GCC2: variants seen among roughly 807,000 people sequenced by gnomAD.
The protein encoded by GCC2 is GRIP and coiled-coil domain-containing protein 2.
Under a neutral mutation model 210.6 loss-of-function variants are expected in GCC2, and 120 were observed. The observed-to-expected ratio is 0.57, with a 90% confidence interval of 0.49 to 0.66. The LOEUF (loss-of-function observed/expected upper bound fraction) is 0.66, where lower values mean the gene tolerates loss of function less well. GCC2 is among the 30% of genes least tolerant of loss of function. The pLI is 0.00. For synonymous variants in GCC2, 703 were observed against 652.7 expected (o/e 1.08, Z -1.17); for missense variants, 1,868 against 1,871.9 (o/e 1.00, Z 0.04).
chr2:108,472,366 G>A (rs925400482), intron 6 of GCC2, among the ~76,000 whole-genome samples: 37 of 152,028 alleles, frequency 2.4e-4, no homozygotes, highest in Admixed American at 7.9e-4. Context: ...GGGTTTAAAT[G>A]TCTTGATCAG....
At chr2:108,459,497 C>G (rs1261822580) in intron 4 of GCC2, among the ~76,000 whole-genome samples, 1 of 151,966 alleles carries the variant, frequency 6.6e-6, no homozygotes, top group Non-Finnish European at 1.5e-5. Context: ...TCTGTTAGGT[C>G]CATTTGGTCT....
chr2:108,470,836 C>CG lies in GCC2; in HGVS notation c.1507_1508insG (p.Gln503ArgfsTer13), dbSNP rs768578200. Reference sequence around the variant, plus strand: ...GGGGGAATCTGCTGGAAAAATAAGTCAAGAGTTCGAATCAATGAAGCAACA... The same window carrying CG: ...GGGGGAATCTGCTGGAAAAATAAGTCGAAGAGTTCGAATCAATGAAGCAACA... On this transcript the variant is annotated frameshift_variant, in exon 6 of 23. Transcript: ENST00000309863. LOFTEE classifies it high-confidence loss of function. 6.2e-7 allele frequency: 1 copy of CG among 1,613,666 alleles called. No homozygotes were observed. Among genetic ancestry groups the CG allele is most frequent in the South Asian group, 1.1e-5 (1 of 91,048 alleles).
intron 21 of GCC2, among the ~76,000 whole-genome samples, chr2:108,498,183 CTTTTTTTTTTTTTT>C (rs3084885): frequency 3.5e-5 from 2 of 57,466 alleles, no homozygotes; most frequent in Admixed American, 4.8e-4. Flanking sequence ...GTTATATTTT[CTTTTTTTTTTTTTT>C]TTTTTTTTTT....
Position 108,482,356 on chromosome 2 carries a change from T to G in GCC2, c.3250T>G (p.Leu1084Val). 6.4e-7 allele frequency: 1 copy of G among 1,574,650 alleles called. No individual in the cohort carries two copies. The highest frequency in any genetic ancestry group is 2.2e-5 in the East Asian group (1 of 44,624). The change falls in exon 11 of 23, where the codon TTA becomes GTA. Residue 1084 changes from leucine (L) to valine (V), a missense_variant. Physicochemically the swap from Leu to Val is conservative, Grantham distance 32. Transcript: ENST00000309863. Reference protein sequence around the residue: ...RIETLQSNAKLLEVQILEVQR... With the variant: ...RIETLQSNAKVLEVQILEVQR... ...TGAGACATTACAGTCTAATGCCAAA[T>G]TATTAGAAGTACAGATTTTAGAAGT... is the stretch of plus-strand genomic sequence containing the variant.
In GCC2 at chr2:108,475,625, G is replaced by A; in HGVS notation, c.2951G>A (p.Ser984Asn). Residue 984 changes from serine (S) to asparagine (N), a missense_variant, in exon 8 of 23, where the codon AGC becomes AAC. Transcript: ENST00000309863. Reference protein sequence around the residue: ...AVKAKKELDSSRKETQTVKEE... With the variant: ...AVKAKKELDSNRKETQTVKEE... Reference sequence around the variant, plus strand: ...AAGGCAAAGAAAGAACTAGATTCCAGCAGAAAAGAGGTGAGCTGACTTTAA... The same window carrying A: ...AAGGCAAAGAAAGAACTAGATTCCAACAGAAAAGAGGTGAGCTGACTTTAA... The A allele has an allele frequency of 6.5e-7, 1 of 1,538,734 alleles. No homozygotes were observed. The highest frequency in any genetic ancestry group is 8.8e-7 in the Non-Finnish European group (1 of 1,140,238).
intron 20 of GCC2, chr2:108,495,844 A>T (rs1682624469): frequency 6.3e-6 from 1 of 158,620 alleles, no homozygotes; most frequent in East Asian, 1.9e-4. Context: ...AGGCTAGGCC[A>T]GTCTCGCCTT....
chr2:108,479,174 AAAAT>A (rs978765808), intron 9 of GCC2, among the ~76,000 whole-genome samples: 1 of 151,838 alleles, frequency 6.6e-6, no homozygotes, highest in Non-Finnish European at 1.5e-5. Flanking sequence ...AAAAAAATAA[AAAAT>A]AAGCCAGATT....
At chr2:108,486,679 A>G in intron 16 of GCC2, 31 bp downstream of exon 16, 1 of 1,588,568 alleles carries the variant, frequency 6.3e-7, no homozygotes, top group Non-Finnish European at 8.6e-7. Context: ...ACAGCAAGCC[A>G]CTGGGATTTT....
At position 108,485,827 on chromosome 2, in the gene GCC2, A is replaced by G. The variant is rs199889762; in HGVS notation, c.3715-4A>G. The G allele has an allele frequency of 2.6e-4, 405 of 1,562,534 alleles. No homozygotes were observed. The highest frequency in any genetic ancestry group is 3.2e-4 in the Non-Finnish European group (371 of 1,146,684). On this transcript the variant is annotated splice_polypyrimidine_tract_variant and splice_region_variant and intron_variant, in intron 14 of 22. Coordinates refer to ENST00000309863, the MANE Select transcript of GCC2 (RefSeq NM_181453.4). ...AAAATTTAACCAAGATTCTCATTCT[A>G]TAGGAAACTGATCACTTAATACTTC...
intron 4 of GCC2, among the ~76,000 whole-genome samples, chr2:108,457,644 T>C (rs181131411): frequency 6.6e-6 from 1 of 152,324 alleles, no homozygotes; most frequent in Admixed American, 6.5e-5. Flanking sequence ...TTCTCTTCAG[T>C]TTCTTTCATC....
At position 108,486,775 on chromosome 2, in the gene GCC2, C is replaced by A. The variant is rs189505783; in HGVS notation, c.3930+127C>A. The A allele has an allele frequency of 4.4e-3, 3,058 of 698,160 alleles. 9 individuals carry two copies. The highest frequency in any genetic ancestry group is 5.8e-3 in the Non-Finnish European group (2,674 of 460,688). 43.2% of individuals were successfully genotyped at this position (698,160 alleles called of 1,614,324 possible). On this transcript the variant is annotated intron_variant, in intron 16 of 22. Transcript: ENST00000309863. ...TTAAGAGCACTTACTAGATTAAGAC[C>A]TGTTCAGTTAATCTGGCTTTAACCC...
At chr2:108,506,721 A>T (rs1016391122) in intron 22 of GCC2, among the ~76,000 whole-genome samples, 3 of 151,848 alleles carry the variant, frequency 2.0e-5, no homozygotes, top group African/African-American at 7.3e-5. Context: ...TTTTAAAAGA[A>T]TTTTTTTTTA....
chr2:108,463,200 T>A (rs1470092802), intron 4 of GCC2, among the ~76,000 whole-genome samples: 1 of 152,198 alleles, frequency 6.6e-6, no homozygotes, highest in Non-Finnish European at 1.5e-5. Flanking sequence ...TCTTATGAAT[T>A]TCTTTTAGAT....
chr2:108,472,219 A>G, intron 6 of GCC2, 103 bp downstream of exon 6: 1 of 803,302 alleles, frequency 1.2e-6, no homozygotes, highest in Non-Finnish European at 1.8e-6. Context: ...GTAAATTTTT[A>G]CCATTTAAGC....
chr2:108,489,757 A>G (rs1387797197), intron 17 of GCC2, 81 bp from the exon 18 acceptor site: 4 of 891,530 alleles, frequency 4.5e-6, no homozygotes, highest in Admixed American at 2.9e-5. Context: ...TTGAAAGGTT[A>G]AATGGTTAAA....
intron 20 of GCC2, 158 bp from the exon 21 acceptor site, chr2:108,496,812 A>G: frequency 1.0e-6 from 1 of 989,978 alleles, no homozygotes; most frequent in Non-Finnish European, 1.5e-6. Flanking sequence ...TACAACATAT[A>G]ATCTGTTGAT....
rs757032058 is a variant in GCC2, at chr2:108,472,929, A to G, written c.2860+30A>G. ...CTATGGTTTTGCAGATGTTGTCACAATTAATTAGACAGATTCTTCTTAGTG... is the reference window on the plus strand; with the variant it reads ...CTATGGTTTTGCAGATGTTGTCACAGTTAATTAGACAGATTCTTCTTAGTG... On this transcript the variant is annotated intron_variant, in intron 7 of 22. Transcript: ENST00000309863. 38 of 1,226,308 alleles carry G rather than the reference A, an allele frequency of 3.1e-5. No homozygotes were observed. In the South Asian group the frequency reaches 4.8e-4, roughly 16 times the overall value. 76.0% of individuals were successfully genotyped at this position (1,226,308 alleles called of 1,614,324 possible).
rs1681237411 is a variant in GCC2 at position 108,471,781 on chromosome 2, C to T, written c.2452C>T (p.Leu818Phe). Residue 818 changes from leucine to phenylalanine, a missense_variant, in exon 6 of 23, where the codon CTT becomes TTT. Physicochemically the swap from Leu to Phe is conservative, Grantham distance 22. Coordinates refer to ENST00000309863, the MANE Select transcript of GCC2 (RefSeq NM_181453.4). ...VLELEKEIKCLQEESVVQCEE... is the reference protein window; with the variant it reads ...VLELEKEIKCFQEESVVQCEE... ...AGAGTTAGAAAAAGAGATTAAGTGC[C>T]TTCAAGAAGAGAGTGTAGTTCAGTG... 4 of 1,613,026 alleles carry T rather than the reference C, an allele frequency of 2.5e-6. No homozygotes were observed. Among genetic ancestry groups the T allele is most frequent in the Non-Finnish European group, 3.4e-6 (4 of 1,179,392 alleles).
Position 108,471,250 on chromosome 2 carries a change from C to G in GCC2, c.1921C>G (p.Leu641Val), listed in dbSNP as rs191279740. 4 of 1,608,926 alleles carry G rather than the reference C, an allele frequency of 2.5e-6. No individual in the cohort carries two copies. The highest frequency in any genetic ancestry group is 4.5e-5 in the East Asian group (2 of 44,774). The change falls in exon 6 of 23, where the codon CTA becomes GTA. Residue 641 changes from leucine to valine, a missense_variant. Physicochemically the swap from Leu to Val is conservative, Grantham distance 32. Transcript: ENST00000309863. ...VEQTIQYNSE[L>V]EQKVNELTGG... ...GCAAACAATCCAGTACAACAGTGAA[C>G]TAGAACAAAAGGTAAATGAATTAAC...
Sources: allele counts gnomAD v4.1 joint callset (sites outside exome capture counted in the v4.1 genomes callset), GRCh38; gene constraint gnomAD v4.1.1; transcripts MANE v1.5; gene names NCBI Gene and HGNC (gene_info 2026-07-23, HGNC 2026-07-21).